GRID2: variants seen among roughly 807,000 people sequenced by gnomAD.
The protein encoded by GRID2 is glutamate ionotropic receptor delta type subunit 2.
A neutral mutation model predicts 114.8 loss-of-function variants in GRID2; 33 were observed. The observed-to-expected ratio is 0.29, with a 90% CI of 0.22 to 0.38. The LOEUF (loss-of-function observed/expected upper bound fraction) is 0.38. Ranked by LOEUF, GRID2 falls within the 10% of genes least tolerant of loss-of-function variation. The probability of loss-of-function intolerance (pLI) is 1.00; values close to 1 mark genes in which losing one functional copy is unlikely to be tolerated. For missense variants in GRID2, 1,184 were observed against 1,257.7 expected, an observed-to-expected ratio of 0.94 and a Z score of 0.89; for synonymous variants, 505 against 449.9, an observed-to-expected ratio of 1.12 and a Z score of -1.55.
intron 2 of GRID2, among the ~76,000 whole-genome samples, chr4:92,775,437 C>G (rs927033912): frequency 1.3e-5 from 2 of 152,134 alleles, no homozygotes; most frequent in African/African-American, 4.8e-5. Context: ...CTAAATAAGA[C>G]AGTAAATTTT....
chr4:92,378,413 T>G (rs1421273325), intron 1 of GRID2, among the ~76,000 whole-genome samples: 3 of 152,266 alleles, frequency 2.0e-5, no homozygotes, highest in Middle Eastern at 3.4e-3. Context: ...GTTTAAGGAT[T>G]GTATTTAATG....
intron 2 of GRID2, among the ~76,000 whole-genome samples, chr4:92,748,632 GTATTATTAT>G (rs10673614): frequency 0.019 from 2,559 of 137,744 alleles, 67 homozygotes; most frequent in Admixed American, 0.053. Context: ...TAATTAAATT[GTATTATTAT>G]TATTATTATT....
At chr4:93,629,259 CTTTG>C (rs753492518) in intron 14 of GRID2, among the ~76,000 whole-genome samples, 5 of 152,068 alleles carry the variant, frequency 3.3e-5, no homozygotes, top group African/African-American at 4.8e-5. Flanking sequence ...ATTATTTTTC[CTTTG>C]TTTGATATGC....
chr4:93,519,746 T>C (rs1269259861), intron 13 of GRID2, among the ~76,000 whole-genome samples: 25 of 152,154 alleles, frequency 1.6e-4, no homozygotes, highest in Admixed American at 1.6e-3. Flanking sequence ...CAAGGGGATG[T>C]ACACTCAAAT....
rs186629170 is a variant in GRID2 at position 93,496,955 on chromosome 4, T to C, written c.1997+6178T>C. Among the ~76,000 whole-genome samples the C allele has an allele frequency of 5.0e-3, 756 of 151,972 alleles. 7 individuals are homozygous for C. The highest frequency in any genetic ancestry group is 0.017 in the African/African-American group (716 of 41,518). On this transcript the variant is annotated intron_variant, in intron 12 of 15. Transcript: ENST00000282020. ...ATATTTGTTTTTTAAGAAACTGCCC[T>C]ACTAATTTCCAGAGTGGCTGTACCA...
chr4:93,744,236 C>T (rs1731652140), intron 14 of GRID2, among the ~76,000 whole-genome samples: 1 of 152,122 alleles, frequency 6.6e-6, no homozygotes, highest in East Asian at 1.9e-4. Context: ...TTCTGTGGCC[C>T]ATGAATCAAG....
At chr4:92,940,449 A>G (rs186901078) in intron 2 of GRID2, among the ~76,000 whole-genome samples, 1 of 151,536 alleles carries the variant, frequency 6.6e-6, no homozygotes, top group Non-Finnish European at 1.5e-5. Context: ...GTTGCTTATC[A>G]GCTTAAGGAG....
At chr4:93,101,761 G>A (rs1181015245) in intron 3 of GRID2, among the ~76,000 whole-genome samples, 1 of 152,000 alleles carries the variant, frequency 6.6e-6, no homozygotes, top group Non-Finnish European at 1.5e-5. Flanking sequence ...CTACCTCTTG[G>A]AGGATTGTTG....
intron 11 of GRID2, among the ~76,000 whole-genome samples, chr4:93,460,014 T>C (rs1723592739): frequency 6.6e-6 from 1 of 152,214 alleles, no homozygotes; most frequent in African/African-American, 2.4e-5. Flanking sequence ...GATTGTCACC[T>C]AGATTGAGGC....
intron 14 of GRID2, among the ~76,000 whole-genome samples, chr4:93,699,327 A>G (rs1000563714): frequency 3.9e-5 from 6 of 152,066 alleles, no homozygotes; most frequent in Non-Finnish European, 5.9e-5. Flanking sequence ...ACCCCAATTA[A>G]CCTTTTTAAA....
At chr4:93,713,925 G>T (rs1264155336) in intron 14 of GRID2, among the ~76,000 whole-genome samples, 1 of 151,864 alleles carries the variant, frequency 6.6e-6, no homozygotes, top group Non-Finnish European at 1.5e-5. Flanking sequence ...CTTATACTTT[G>T]CCATCTTTTC....
At chr4:92,664,050 C>G (rs1205445202) in intron 2 of GRID2, among the ~76,000 whole-genome samples, 1 of 151,058 alleles carries the variant, frequency 6.6e-6, no homozygotes, top group Admixed American at 6.6e-5. Context: ...CTTCCTTCTT[C>G]TACCTCTGGG....
chr4:93,262,192 C>A (rs114865732), intron 8 of GRID2, among the ~76,000 whole-genome samples: 2,685 of 151,878 alleles, frequency 0.018, 79 homozygotes, highest in African/African-American at 0.061. Context: ...CTTTCAGAAA[C>A]CCAGTCAAAA....
intron 2 of GRID2, among the ~76,000 whole-genome samples, chr4:92,720,016 TTAAG>T (rs1165849033): frequency 2.6e-5 from 4 of 152,112 alleles, no homozygotes; most frequent in African/African-American, 9.7e-5. Flanking sequence ...TTATGATGAA[TTAAG>T]TGATAACATA....
At chr4:93,393,463 TGAAAA>T (rs939427312) in intron 8 of GRID2, among the ~76,000 whole-genome samples, 2 of 151,944 alleles carry the variant, frequency 1.3e-5, no homozygotes, top group African/African-American at 4.8e-5. Context: ...ATTTTTAAAA[TGAAAA>T]GAAATATTAT....
intron 1 of GRID2, among the ~76,000 whole-genome samples, chr4:92,426,034 G>A (rs1732142366): frequency 6.6e-6 from 1 of 151,892 alleles, no homozygotes; most frequent in Non-Finnish European, 1.5e-5. Context: ...ATCTCACTTG[G>A]ACACCTGAGC....
chr4:93,407,757 GTCCTCCTCCTCC>G (rs1417763940), intron 9 of GRID2, among the ~76,000 whole-genome samples: 2 of 21,848 alleles, frequency 9.2e-5, no homozygotes, highest in African/African-American at 3.3e-4. Flanking sequence ...CCTCCTCCTC[GTCCTCCTCCTCC>G]TCCTCCTCAT....
chr4:93,128,221 A>G (rs960208670), intron 4 of GRID2, among the ~76,000 whole-genome samples: 2 of 152,022 alleles, frequency 1.3e-5, no homozygotes, highest in Non-Finnish European at 2.9e-5. Context: ...AATCTATTAC[A>G]TGGTATCATA....
intron 1 of GRID2, among the ~76,000 whole-genome samples, chr4:92,582,992 A>C (rs538845427): frequency 2.2e-4 from 33 of 152,098 alleles, no homozygotes; most frequent in South Asian, 4.1e-4. Flanking sequence ...GTCTCTCTCT[A>C]TATATATTAT....
Sources: gnomAD v4.1 joint callset for allele counts (sites outside exome capture counted in the v4.1 genomes callset) on GRCh38, gnomAD v4.1.1 for gene constraint, MANE v1.5 for transcripts, NCBI Gene and HGNC (gene_info 2026-07-23, HGNC 2026-07-21) for gene names.